WDPCP: variants seen among roughly 807,000 people sequenced by gnomAD.
WDPCP encodes the protein WD repeat containing planar cell polarity effector.
A neutral mutation model predicts 93.1 loss-of-function variants in WDPCP; 71 were observed. The ratio of observed to expected loss-of-function variants is 0.76; its 90% CI spans 0.63 to 0.93. WDPCP has a LOEUF of 0.93. Ranked by LOEUF, WDPCP falls within the 40% of genes least tolerant of loss-of-function variation. WDPCP has a pLI of 0.00. For synonymous variants in WDPCP, 315 were observed against 315.0 expected (o/e 1.00, Z 0.00); for missense variants, 844 against 887.4 (o/e 0.95, Z 0.62).
chr2:63,438,335 T>G (rs1032017159), intron 7 of WDPCP, among the ~76,000 whole-genome samples: 1 of 131,656 alleles, frequency 7.6e-6, no homozygotes, highest in Non-Finnish European at 1.7e-5. Context: ...TGACCAACAG[T>G]GGATCTACAC....
chr2:63,302,758 G>T (rs748264219), intron 13 of WDPCP, among the ~76,000 whole-genome samples: 18 of 152,190 alleles, frequency 1.2e-4, no homozygotes, highest in Non-Finnish European at 2.4e-4. Context: ...GTATGGTTCT[G>T]TCAGAAGAAA....
chr2:63,209,190 G>A (rs768348137), intron 14 of WDPCP, among the ~76,000 whole-genome samples: 5 of 152,184 alleles, frequency 3.3e-5, no homozygotes, highest in Non-Finnish European at 7.3e-5. Context: ...TTTACTTTTT[G>A]TAACTGTAGA....
chr2:63,480,052 T>C (rs1462806211), intron 6 of WDPCP, among the ~76,000 whole-genome samples: 1 of 152,100 alleles, frequency 6.6e-6, no homozygotes, highest in Non-Finnish European at 1.5e-5. Context: ...ACAAAATTAA[T>C]GTATACAATC....
chr2:63,572,271 T>C (rs1407218014), intron 1 of WDPCP, among the ~76,000 whole-genome samples: 1 of 152,216 alleles, frequency 6.6e-6, no homozygotes, highest in Non-Finnish European at 1.5e-5. Flanking sequence ...GTAAGCTCTC[T>C]GGGCAGAACT....
intron 2 of WDPCP, among the ~76,000 whole-genome samples, chr2:63,655,267 G>T (rs1003274105): frequency 1.8e-4 from 28 of 152,140 alleles, no homozygotes; most frequent in African/African-American, 6.0e-4. Context: ...AACTTGGTGA[G>T]CATTGCTCTC....
At chr2:63,363,544 G>C (rs1690654664) in intron 12 of WDPCP, among the ~76,000 whole-genome samples, 2 of 152,128 alleles carry the variant, frequency 1.3e-5, no homozygotes, top group African/African-American at 4.8e-5. Flanking sequence ...GCTGCAGTGA[G>C]TCATGAACAG....
rs576284479 is a variant in WDPCP, at chr2:63,553,937, T to G, written c.75+34260A>C. Among the ~76,000 whole-genome samples the G allele has an allele frequency of 9.8e-5, 15 of 152,290 alleles. No individual in the cohort carries two copies. In the South Asian group the frequency reaches 3.1e-3, roughly 32 times the overall value. On this transcript the variant is annotated intron_variant, in intron 1 of 17. Transcript: ENST00000272321. ...CACAATGCTCCATTACCCCTTGATA[T>G]GTCAGTGTGTATTTCCTAAAACCAA...
intron 3 of WDPCP, among the ~76,000 whole-genome samples, chr2:63,610,200 G>A (rs1171233238): frequency 6.6e-6 from 1 of 152,154 alleles, no homozygotes; most frequent in African/African-American, 2.4e-5. Context: ...AGTACTTGAG[G>A]AAATGATACA....
intron 14 of WDPCP, among the ~76,000 whole-genome samples, chr2:63,238,514 A>C (rs963998791): frequency 1.3e-5 from 2 of 152,202 alleles, no homozygotes; most frequent in Admixed American, 1.3e-4. Flanking sequence ...AAATATGAAT[A>C]TAGATCATGT....
chr2:63,281,223 T>C (rs1354528047), intron 13 of WDPCP, among the ~76,000 whole-genome samples: 1 of 152,078 alleles, frequency 6.6e-6, no homozygotes, highest in Non-Finnish European at 1.5e-5. Context: ...AACAAGCATA[T>C]GGGAAAATGC....
chr2:63,829,935 A>T (rs1447356216), upstream of WDPCP, among the ~76,000 whole-genome samples: 1 of 152,124 alleles, frequency 6.6e-6, no homozygotes, highest in Non-Finnish European at 1.5e-5. Context: ...TTGAAGGAGA[A>T]TGTTCTAGGT....
At chr2:63,589,571 A>G (rs1272366209), upstream of WDPCP, among the ~76,000 whole-genome samples, 1 of 152,228 alleles carries the variant, frequency 6.6e-6, no homozygotes, top group Non-Finnish European at 1.5e-5. Context: ...ATTTCTCAAA[A>G]TGTTATTTGG....
chr2:63,449,772 C>T (rs1381470057), intron 6 of WDPCP, among the ~76,000 whole-genome samples: 1 of 152,078 alleles, frequency 6.6e-6, no homozygotes, highest in Non-Finnish European at 1.5e-5. Flanking sequence ...TGGACCCTAC[C>T]CCTGAGACCT....
intron 10 of WDPCP, among the ~76,000 whole-genome samples, chr2:63,392,444 C>T (rs1172994228): frequency 1.3e-5 from 2 of 152,136 alleles, no homozygotes; most frequent in East Asian, 1.9e-4. Context: ...TAGAAGAAAA[C>T]CTAGGCAATA....
chr2:63,504,324 TTGTGTGTGTGTGTGTG>T (rs60202196), intron 1 of WDPCP, among the ~76,000 whole-genome samples: 9 of 138,020 alleles, frequency 6.5e-5, no homozygotes, highest in East Asian at 4.3e-4. Context: ...ACGTACTAAA[TTGTGTGTGTGTGTGTG>T]TGTGTGTGTG....
At chr2:63,616,931 T>C (rs1709679219) in intron 3 of WDPCP, among the ~76,000 whole-genome samples, 1 of 152,190 alleles carries the variant, frequency 6.6e-6, no homozygotes, top group South Asian at 2.1e-4. Context: ...AAAAACAAAA[T>C]GCCTTTCTCT....
At chr2:63,501,664 G>A (rs1378748843) in intron 1 of WDPCP, among the ~76,000 whole-genome samples, 3 of 152,268 alleles carry the variant, frequency 2.0e-5, no homozygotes, top group South Asian at 2.1e-4. Flanking sequence ...TCAGCCAGGC[G>A]GGAGTGCAGC....
At chr2:63,775,515 G>C (rs1670289591) in intron 2 of WDPCP, among the ~76,000 whole-genome samples, 1 of 152,160 alleles carries the variant, frequency 6.6e-6, no homozygotes, top group South Asian at 2.1e-4. Context: ...ACATTGAATT[G>C]TTGGAAAGGT....
intron 12 of WDPCP, among the ~76,000 whole-genome samples, chr2:63,351,368 C>T (rs1005613965): frequency 8.6e-5 from 13 of 151,872 alleles, no homozygotes; most frequent in East Asian, 1.9e-4. Flanking sequence ...GTATGGATCC[C>T]ATCACCCATG....
Sources: gnomAD v4.1 joint callset for allele counts (sites outside exome capture counted in the v4.1 genomes callset) on GRCh38, gnomAD v4.1.1 for gene constraint, MANE v1.5 for transcripts, NCBI Gene and HGNC (gene_info 2026-07-23, HGNC 2026-07-21) for gene names.